The following PTPRC variants were observed in gnomAD, a reference collection of about 807,000 sequenced individuals.
The protein encoded by PTPRC is receptor-type tyrosine-protein phosphatase C.
Under a neutral mutation model 155.9 loss-of-function variants are expected in PTPRC, and 44 were observed. That is an observed-to-expected ratio of 0.28 (90% CI 0.22 to 0.36). The LOEUF (loss-of-function observed/expected upper bound fraction) is 0.36, where lower values mean the gene tolerates loss of function less well. PTPRC is among the 10% of genes least tolerant of loss of function. The pLI is 1.00. For missense variants in PTPRC, 1,401 were observed against 1,564.6 expected (o/e 0.90, Z 1.76); for synonymous variants, 525 against 533.1 (o/e 0.98, Z 0.21).
intron 2 of PTPRC, among the ~76,000 whole-genome samples, chr1:198,659,492 CGA>C (rs1186785424): frequency 1.3e-5 from 2 of 151,840 alleles, no homozygotes; most frequent in East Asian, 3.9e-4. Context: ...CTGAGGAAAT[CGA>C]CAGTGTGTGT....
rs1203601910 is a variant in PTPRC, at chr1:198,696,772, C to G, written c.161C>G (p.Thr54Ser). 1 of 1,614,092 alleles carries G rather than the reference C, an allele frequency of 6.2e-7. No homozygotes were observed. The highest frequency in any genetic ancestry group is 1.1e-5 in the South Asian group (1 of 91,080). The change falls in exon 4 of 33, where the codon ACC (threonine) becomes AGC (serine). Residue 54 changes from threonine (T) to serine (S), a missense_variant. Transcript: ENST00000442510. Reference sequence around the variant, plus strand: ...TCAAGTGACCCCTTACCTACTCACACCACTGCATTCTCACCCGCAAGCACC... The same window carrying G: ...TCAAGTGACCCCTTACCTACTCACAGCACTGCATTCTCACCCGCAAGCACC... ...PLSSDPLPTH[T>S]TAFSPASTFE...
intron 2 of PTPRC, among the ~76,000 whole-genome samples, chr1:198,641,940 T>C (rs1369928302): frequency 6.6e-6 from 1 of 152,068 alleles, no homozygotes; most frequent in African/African-American, 2.4e-5. Context: ...CAATGAAAAT[T>C]ATTTAATTGA....
chr1:198,755,114 T>TAAG (rs1655569546), intron 32 of PTPRC, among the ~76,000 whole-genome samples: 1 of 152,066 alleles, frequency 6.6e-6, no homozygotes, highest in African/African-American at 2.4e-5. Context: ...GCCAAATAAA[T>TAAG]AAGTCATAAA....
chr1:198,745,022 G>C (rs138693692), intron 26 of PTPRC, among the ~76,000 whole-genome samples: 1 of 151,778 alleles, frequency 6.6e-6, no homozygotes, highest in Admixed American at 6.6e-5. Flanking sequence ...CTCAAACAGA[G>C]TAGTGTTTTA....
intron 2 of PTPRC, chr1:198,679,173 G>C (rs1665136623): frequency 4.7e-6 from 1 of 211,908 alleles, no homozygotes; most frequent in Non-Finnish European, 1.0e-5. Context: ...TGGGCACATA[G>C]TCGTCCCACT....
chr1:198,666,594 G>A (rs576619804), intron 2 of PTPRC, among the ~76,000 whole-genome samples: 18 of 152,166 alleles, frequency 1.2e-4, no homozygotes, highest in South Asian at 4.2e-4. Context: ...TCAAATATGC[G>A]GAGGGCTATA....
chr1:198,689,496 T>C (rs762442652), intron 2 of PTPRC, among the ~76,000 whole-genome samples: 2 of 152,208 alleles, frequency 1.3e-5, no homozygotes, highest in South Asian at 2.1e-4. Context: ...TCTGTGGAAT[T>C]AGTGGTGCAG....
At chr1:198,720,791 T>G (rs2102452943) in intron 14 of PTPRC, among the ~76,000 whole-genome samples, 1 of 152,248 alleles carries the variant, frequency 6.6e-6, no homozygotes, top group Non-Finnish European at 1.5e-5. Context: ...GCTATATATA[T>G]TTTTTCAAAG....
chr1:198,752,823 T>G, intron 31 of PTPRC, 51 bp downstream of exon 31: 1 of 1,571,942 alleles, frequency 6.4e-7, no homozygotes, highest in African/African-American at 1.3e-5. Context: ...GCTTGACTTC[T>G]CGGTTCACAT....
At chr1:198,692,510 T>G (rs1249387865) in intron 3 of PTPRC, 137 bp downstream of exon 3, 40 of 1,110,306 alleles carry the variant, frequency 3.6e-5, no homozygotes, top group Non-Finnish European at 4.6e-5. Context: ...TTCTTGACAT[T>G]CACTTGTTCT....
chr1:198,697,641 A>G (rs146092987), intron 4 of PTPRC, among the ~76,000 whole-genome samples: 2 of 152,340 alleles, frequency 1.3e-5, no homozygotes, highest in Non-Finnish European at 2.9e-5. Context: ...TACCATCAGT[A>G]GAGTGTTCAT....
chr1:198,658,886 G>C (rs1663762344), intron 2 of PTPRC, among the ~76,000 whole-genome samples: 1 of 151,956 alleles, frequency 6.6e-6, no homozygotes, highest in African/African-American at 2.4e-5. Flanking sequence ...TTAGAAGAAA[G>C]AGTGCTTTCA....
chr1:198,672,927 A>G (rs1023990429), intron 2 of PTPRC, among the ~76,000 whole-genome samples: 3 of 152,144 alleles, frequency 2.0e-5, no homozygotes, highest in Non-Finnish European at 2.9e-5. Flanking sequence ...TCACCTGAGG[A>G]TATTGTTAAA....
chr1:198,655,169 G>T (rs186341429), intron 2 of PTPRC, among the ~76,000 whole-genome samples: 4 of 150,090 alleles, frequency 2.7e-5, no homozygotes, highest in African/African-American at 9.8e-5. Flanking sequence ...TCAAGTTGCC[G>T]GTTTTTTTTA....
chr1:198,668,724 G>A (rs7522020), intron 2 of PTPRC, among the ~76,000 whole-genome samples: 2 of 152,042 alleles, frequency 1.3e-5, no homozygotes, highest in Admixed American at 6.5e-5. Context: ...GGTAGGTTCT[G>A]TATAAGGAAA....
chr1:198,665,235 G>A (rs1037978369), intron 2 of PTPRC, among the ~76,000 whole-genome samples: 2 of 150,618 alleles, frequency 1.3e-5, no homozygotes, highest in Non-Finnish European at 3.0e-5. Context: ...GACTACAGGC[G>A]CCCGCCGCCA....
chr1:198,697,912 T>C (rs76421493), intron 4 of PTPRC, among the ~76,000 whole-genome samples: 1,981 of 152,294 alleles, frequency 0.013, 22 homozygotes, highest in Non-Finnish European at 0.016. Flanking sequence ...AGTACAAGAC[T>C]GTGTATTTAA....
intron 2 of PTPRC, among the ~76,000 whole-genome samples, chr1:198,685,626 T>TA (rs3835635): frequency 0.22 from 33,972 of 151,138 alleles, 3,787 homozygotes; most frequent in Non-Finnish European, 0.23. Context: ...ATTTCTAGCA[T>TA]AAAAAAAGTG....
chr1:198,746,860 A>T (rs1655157539), intron 26 of PTPRC, among the ~76,000 whole-genome samples: 1 of 151,836 alleles, frequency 6.6e-6, no homozygotes, highest in African/African-American at 2.4e-5. Flanking sequence ...CATGCAGCTC[A>T]TGGTGGTGTT....
Sources: gnomAD v4.1 joint callset for allele counts (sites outside exome capture counted in the v4.1 genomes callset) on GRCh38, gnomAD v4.1.1 for gene constraint, MANE v1.5 for transcripts, NCBI Gene and HGNC (gene_info 2026-07-23, HGNC 2026-07-21) for gene names.